Variants in JMY observed in about 807,000 individuals in gnomAD.
JMY encodes the protein junction mediating and regulatory protein, p53 cofactor, also known as junction-mediating and -regulatory protein.
Under a neutral mutation model 103.3 loss-of-function variants are expected in JMY, and 46 were observed. That is an observed-to-expected ratio of 0.45 (90% confidence interval 0.35 to 0.57). JMY has a LOEUF of 0.57. Among genes scored for constraint, JMY ranks in the 20% least tolerant of loss-of-function variants. JMY has a pLI of 0.00. For synonymous variants in JMY, 526 were observed against 489.3 expected, an observed-to-expected ratio of 1.07 and a Z score of -0.99; for missense variants, 1,238 against 1,255.2, an observed-to-expected ratio of 0.99 and a Z score of 0.21.
intron 7 of JMY, 50 bp from the exon 8 acceptor site, chr5:79,312,353 G>T: frequency 9.1e-7 from 1 of 1,100,044 alleles, no homozygotes; most frequent in South Asian, 1.9e-5. Flanking sequence ...TCCTATTAAT[G>T]ATAAAAATTG....
chr5:79,291,426 T>C (rs1487950816), intron 4 of JMY, 127 bp downstream of exon 4: 3 of 705,732 alleles, frequency 4.3e-6, no homozygotes, highest in Admixed American at 6.5e-5. Context: ...TGAAAACACT[T>C]AGAATAGGTC....
intron 2 of JMY, among the ~76,000 whole-genome samples, chr5:79,288,363 T>C (rs1250350402): frequency 6.6e-6 from 1 of 152,188 alleles, no homozygotes; most frequent in Non-Finnish European, 1.5e-5. Context: ...TCTCTCTTTA[T>C]GTACCCGTCA....
rs568299864 is a variant in JMY, at chr5:79,315,138, G to T, written c.2659+287G>T. Among the ~76,000 whole-genome samples, 11 of 152,064 alleles carry T rather than the reference G, an allele frequency of 7.2e-5. No individual in the cohort carries two copies. In the East Asian group the frequency reaches 1.9e-3, roughly 27 times the overall value. On this transcript the variant is annotated intron_variant, in intron 9 of 10. Coordinates refer to ENST00000396137, the MANE Select transcript of JMY (RefSeq NM_152405.5). Reference sequence around the variant, plus strand: ...CCTTTTGTGTTAGGGAAAAAGTTTTGATTTTAAACCTGAGATTTTTAAAAA... The same window carrying T: ...CCTTTTGTGTTAGGGAAAAAGTTTTTATTTTAAACCTGAGATTTTTAAAAA...
chr5:79,278,824 T>C (rs1746024856), intron 2 of JMY, among the ~76,000 whole-genome samples: 1 of 146,750 alleles, frequency 6.8e-6, no homozygotes. Flanking sequence ...AGATGGGATC[T>C]CGCCATGTTG....
intron 1 of JMY, among the ~76,000 whole-genome samples, chr5:79,251,424 A>G (rs115577773): frequency 0.02 from 3,092 of 152,038 alleles, 125 homozygotes; most frequent in African/African-American, 0.07. Context: ...TGGGGGGTAC[A>G]TAGTAGGTGT....
At chr5:79,240,742 T>C (rs1195811591) in intron 1 of JMY, among the ~76,000 whole-genome samples, 1 of 152,242 alleles carries the variant, frequency 6.6e-6, no homozygotes, top group Non-Finnish European at 1.5e-5. Context: ...GATTGATTGG[T>C]GATGTCTGCC....
chr5:79,242,971 AT>A (rs950976346), intron 1 of JMY, among the ~76,000 whole-genome samples: 1 of 152,110 alleles, frequency 6.6e-6, no homozygotes, highest in Non-Finnish European at 1.5e-5. Flanking sequence ...AGGATAACTC[AT>A]TTCGAATTAA....
At chr5:79,273,334 TG>T (rs1397560732) in intron 1 of JMY, among the ~76,000 whole-genome samples, 1 of 152,192 alleles carries the variant, frequency 6.6e-6, no homozygotes, top group Non-Finnish European at 1.5e-5. Context: ...TGTTTTGTTG[TG>T]TTTTGTTTAT....
At chr5:79,239,638 C>G (rs1298184499) in intron 1 of JMY, among the ~76,000 whole-genome samples, 3 of 151,932 alleles carry the variant, frequency 2.0e-5, no homozygotes, top group South Asian at 2.1e-4. Context: ...AACCCCGTCT[C>G]TACTAAAAAT....
intron 4 of JMY, among the ~76,000 whole-genome samples, chr5:79,298,421 GTA>G (rs1308486642): frequency 1.3e-5 from 2 of 152,190 alleles, no homozygotes; most frequent in African/African-American, 4.8e-5. Context: ...CCCCAAGAGA[GTA>G]TGAAAAGGGA....
At chr5:79,265,627 C>T (rs866355278) in intron 1 of JMY, among the ~76,000 whole-genome samples, 2 of 151,972 alleles carry the variant, frequency 1.3e-5, no homozygotes, top group Non-Finnish European at 2.9e-5. Context: ...GTTCTTTTTC[C>T]CCCACTCTGT....
At chr5:79,291,878 G>C (rs1455847125) in intron 4 of JMY, among the ~76,000 whole-genome samples, 1 of 152,136 alleles carries the variant, frequency 6.6e-6, no homozygotes, top group East Asian at 1.9e-4. Context: ...TATTAAAGTA[G>C]CACATTTTAG....
chr5:79,312,594 T>C, intron 8 of JMY, 96 bp downstream of exon 8: 1 of 581,488 alleles, frequency 1.7e-6, no homozygotes, highest in Non-Finnish European at 2.8e-6. Context: ...GGGAAAAACT[T>C]GGTTTTCCCT....
At chr5:79,253,398 T>G (rs948133412) in intron 1 of JMY, among the ~76,000 whole-genome samples, 1 of 152,018 alleles carries the variant, frequency 6.6e-6, no homozygotes, top group South Asian at 2.1e-4. Flanking sequence ...GTTCAAGCGA[T>G]TCTTCTGCCT....
intron 4 of JMY, among the ~76,000 whole-genome samples, chr5:79,296,063 A>G (rs1377676925): frequency 2.0e-5 from 3 of 152,148 alleles, no homozygotes; most frequent in South Asian, 2.1e-4. Flanking sequence ...CCCTGAAGAC[A>G]GATATATTTC....
intron 7 of JMY, among the ~76,000 whole-genome samples, chr5:79,307,644 TATAG>T (rs1182883892): frequency 6.6e-6 from 1 of 152,156 alleles, no homozygotes; most frequent in Non-Finnish European, 1.5e-5. Flanking sequence ...AATGCAGATA[TATAG>T]ATAAATAGAT....
intron 1 of JMY, among the ~76,000 whole-genome samples, chr5:79,246,329 A>T (rs985460241): frequency 3.9e-5 from 6 of 152,228 alleles, no homozygotes; most frequent in African/African-American, 1.4e-4. Flanking sequence ...ATAAGGATGT[A>T]TATAACAAGT....
At chr5:79,297,126 TGA>T (rs1260867079) in intron 4 of JMY, among the ~76,000 whole-genome samples, 1 of 152,188 alleles carries the variant, frequency 6.6e-6, no homozygotes, top group African/African-American at 2.4e-5. Context: ...TCAGGAGAAC[TGA>T]GTCTAGCTCA....
intron 1 of JMY, among the ~76,000 whole-genome samples, chr5:79,251,714 C>T (rs1439306098): frequency 6.6e-6 from 1 of 151,350 alleles, no homozygotes. Context: ...TCATTCTACT[C>T]TCTATTTCAA....
Sources: allele counts gnomAD v4.1 joint callset (sites outside exome capture counted in the v4.1 genomes callset), GRCh38; gene constraint gnomAD v4.1.1; transcripts MANE v1.5; gene names NCBI Gene and HGNC (gene_info 2026-07-23, HGNC 2026-07-21).